Variants in NCOR2 observed in about 807,000 individuals in gnomAD.
NCOR2 encodes the protein nuclear receptor corepressor 2, also known as CTG repeat protein 26.
Under a neutral mutation model 262.9 loss-of-function variants are expected in NCOR2, and 81 were observed. The ratio of observed to expected loss-of-function variants is 0.31; its 90% CI spans 0.26 to 0.37. The LOEUF is 0.37. NCOR2 is among the 10% of genes least tolerant of loss of function. The pLI, the probability that NCOR2 is intolerant of heterozygous loss-of-function variation, is 1.00. For synonymous variants in NCOR2, 1,659 were observed against 1,559.3 expected, an observed-to-expected ratio of 1.06 and a Z score of -1.51; for missense variants, 3,385 against 3,621.4, an observed-to-expected ratio of 0.93 and a Z score of 1.68.
Position 124,549,593 on chromosome 12 carries a change from A to G in NCOR2, c.-164-13982T>C, listed in dbSNP as rs545658187. Among the ~76,000 whole-genome samples the G allele has an allele frequency of 6.6e-6, 1 of 152,134 alleles. No individual in the cohort carries two copies. The highest frequency in any genetic ancestry group is 2.1e-4 in the South Asian group (1 of 4,812). ...CCCAGGACAGAAGCGGTCACACATC[A>G]TGGGCTCATCATCACAGCCACAGTG... On this transcript the variant is annotated intron_variant, in intron 1 of 32. Coordinates refer to the NCOR2 transcript ENST00000458234. This position sits in a 1 kb window ranked among gnomAD's most constrained non-coding sequence, Gnocchi z 4.4.
chr12:124,422,434 A>C, intron 12 of NCOR2, 67 bp downstream of exon 14: 1 of 1,589,584 alleles, frequency 6.3e-7, no homozygotes, highest in East Asian at 2.2e-5. Flanking sequence ...GAGGGCCTCC[A>C]CCCTGAGTCC....
chr12:124,550,970 A>G (rs1194247472), intron 1 of NCOR2, among the ~76,000 whole-genome samples: 3 of 152,238 alleles, frequency 2.0e-5, no homozygotes, highest in Non-Finnish European at 2.9e-5. Flanking sequence ...TCACATCCCC[A>G]TGACAAAATA....
chr12:124,462,050 C>T (rs1350390629), intron 5 of NCOR2, among the ~76,000 whole-genome samples: 2 of 152,180 alleles, frequency 1.3e-5, no homozygotes, highest in African/African-American at 2.4e-5. Flanking sequence ...ACCACATGCT[C>T]GTCCCACACA....
Position 124,517,566 on chromosome 12 carries a change from C to T in NCOR2, c.-118+17999G>A, listed in dbSNP as rs897377464. The stretch of plus-strand genomic sequence containing the variant: ...GCAGCGCTGCCTGCACCTGGCTCTC[C>T]CCTGCCTGAGCCCACCGCGGAGCCC... On this transcript the variant is annotated intron_variant, in intron 1 of 46. Coordinates refer to the NCOR2 transcript ENST00000404621. The surrounding 1 kb of genome is among the most constrained non-coding windows in gnomAD (Gnocchi z 7.6). 1.3e-5 allele frequency among the ~76,000 whole-genome samples: 2 copies of T among 152,206 alleles called. No homozygotes were observed. Among genetic ancestry groups the T allele is most frequent in the Non-Finnish European group, 2.9e-5 (2 of 68,024 alleles).
In NCOR2 at chr12:124,483,463, G is replaced by T; in HGVS notation, c.411+133C>A. 2 of 985,696 alleles carry T rather than the reference G, an allele frequency of 2.0e-6. No individual in the cohort carries two copies. Among genetic ancestry groups the T allele is most frequent in the Non-Finnish European group, 1.4e-6 (1 of 698,898 alleles). The allele number at this position is 985,696 out of a possible 1,614,324, so 61.1% of individuals were successfully genotyped here. On this transcript the variant is annotated intron_variant, in intron 3 of 46. Coordinates refer to ENST00000405201, the Ensembl canonical transcript of NCOR2. This position sits in a 1 kb window ranked among gnomAD's most constrained non-coding sequence, Gnocchi z 6.3. ...CCTGCCACCCAGCTCTGTGCACCCG[G>T]TGCTTGGCCCACCTCCAAGCCTTTG...
At chr12:124,406,473 A>G (rs139592260) in intron 13 of NCOR2, among the ~76,000 whole-genome samples, 1 of 152,302 alleles carries the variant, frequency 6.6e-6, no homozygotes, top group African/African-American at 2.4e-5. Flanking sequence ...TTGTCTCACA[A>G]GGCACATAAA....
At chr12:124,341,932 C>T (rs1316116943) in exon 34 of NCOR2, 3 of 1,613,172 alleles carry the variant, frequency 1.9e-6, no homozygotes, top group African/African-American at 1.3e-5. Context: ...GGTGCATCTG[C>T]TGCGAGGTGA....
Position 124,495,090 on chromosome 12 carries a change from G to C in NCOR2, c.105+57C>G. ...AGAAAGGAAGGGGTGAAGACTCAGTGGAATGGAAGAAGGGTCTCAAAGGTA... is the reference window on the plus strand; with the variant it reads ...AGAAAGGAAGGGGTGAAGACTCAGTCGAATGGAAGAAGGGTCTCAAAGGTA... On this transcript the variant is annotated intron_variant, in intron 1 of 46. Transcript: ENST00000405201. This position sits in a 1 kb window ranked among gnomAD's most constrained non-coding sequence, Gnocchi z 4.4. 1.3e-6 allele frequency: 2 copies of C among 1,588,022 alleles called. No homozygotes were observed. The highest frequency in any genetic ancestry group is 1.7e-6 in the Non-Finnish European group (2 of 1,165,130).
intron 17 of NCOR2, chr12:124,383,297 C>G (rs1002721229): frequency 2.6e-4 from 51 of 198,418 alleles, no homozygotes; most frequent in Non-Finnish European, 3.5e-4. Context: ...TACGTTCAAA[C>G]TCAGCTCTCC....
At position 124,503,161 on chromosome 12, in the gene NCOR2, C is replaced by T. The variant is rs1354223683; in HGVS notation, c.-117-7793G>A. 6.6e-6 allele frequency among the ~76,000 whole-genome samples: 1 copy of T among 152,248 alleles called. No individual in the cohort carries two copies. Among genetic ancestry groups the T allele is most frequent in the Non-Finnish European group, 1.5e-5 (1 of 68,050 alleles). On this transcript the variant is annotated intron_variant, in intron 1 of 46. Transcript: ENST00000404621. This position sits in a 1 kb window ranked among gnomAD's most constrained non-coding sequence, Gnocchi z 4.3. ...CAAACTCCGGTTGCTGACCCATTCT[C>T]ATCAATTAGAGAATTATTTCAGCAT...
At chr12:124,360,441 G>A (rs568654795) in intron 22 of NCOR2, among the ~76,000 whole-genome samples, 3 of 152,330 alleles carry the variant, frequency 2.0e-5, no homozygotes, top group African/African-American at 4.8e-5. Context: ...GCCAAGAGCT[G>A]CGCTGTGACC....
chr12:124,442,783 CAG>C (rs1420513387), intron 7 of NCOR2, among the ~76,000 whole-genome samples: 1 of 152,158 alleles, frequency 6.6e-6, no homozygotes, highest in Non-Finnish European at 1.5e-5. Context: ...CATTTGGAAA[CAG>C]AGTCTTTAGA....
intron 38 of NCOR2, chr12:124,336,507 G>T: frequency 1.9e-6 from 2 of 1,063,720 alleles, no homozygotes; most frequent in Non-Finnish European, 2.5e-6. Context: ...CGTGCAAACC[G>T]GCGAGGACGG....
chr12:124,359,099 C>T (rs1024123085), intron 22 of NCOR2, among the ~76,000 whole-genome samples: 13 of 152,212 alleles, frequency 8.5e-5, no homozygotes, highest in African/African-American at 3.1e-4. Flanking sequence ...CAGCGGGGCC[C>T]CGGGGCTCAG....
In NCOR2 at chr12:124,378,702, C is replaced by T. The variant is rs1423563965; in HGVS notation, c.2020-318G>A. Among the ~76,000 whole-genome samples, 2 of 152,242 alleles carry T rather than the reference C, an allele frequency of 1.3e-5. No individual in the cohort carries two copies. Among genetic ancestry groups the T allele is most frequent in the Non-Finnish European group, 2.9e-5 (2 of 68,046 alleles). On this transcript the variant is annotated intron_variant, in intron 17 of 46. Coordinates refer to ENST00000405201, the Ensembl canonical transcript of NCOR2. This position sits in a 1 kb window ranked among gnomAD's most constrained non-coding sequence, Gnocchi z 4.2. Reference sequence around the variant, plus strand: ...GTCTCCTAGTCAGAGCGAGTGACCACGCCTCCTGGGGACACCCTGTCAGCT... The same window carrying T: ...GTCTCCTAGTCAGAGCGAGTGACCATGCCTCCTGGGGACACCCTGTCAGCT...
rs1178919459 is a variant in NCOR2, at chr12:124,567,299, C to G, written c.-165+9G>C. 1 of 151,932 alleles carries G rather than the reference C, an allele frequency of 6.6e-6. No homozygotes were observed. Among genetic ancestry groups the G allele is most frequent in the South Asian group, 2.1e-4 (1 of 4,836 alleles). 9.4% of individuals were successfully genotyped at this position (151,932 alleles called of 1,614,324 possible). A position where few individuals can be genotyped will look rare whatever the true frequency, so the allele number is the denominator to read the frequency against. Reference sequence around the variant, plus strand: ...CCGCCCTTCGCGGGGACCCTCGGCCCCAACTCACCTCGCGGAGGTGGCAGC... The same window carrying G: ...CCGCCCTTCGCGGGGACCCTCGGCCGCAACTCACCTCGCGGAGGTGGCAGC... On this transcript the variant is annotated intron_variant, in intron 1 of 32. Coordinates refer to the NCOR2 transcript ENST00000458234.
In NCOR2 at chr12:124,566,007, T is replaced by G. The variant is rs1426416407; in HGVS notation, c.-165+1301A>C. Among the ~76,000 whole-genome samples, 1 of 151,980 alleles carries G rather than the reference T, an allele frequency of 6.6e-6. No individual in the cohort carries two copies. Among genetic ancestry groups the G allele is most frequent in the Non-Finnish European group, 1.5e-5 (1 of 68,004 alleles). On this transcript the variant is annotated intron_variant, in intron 1 of 32. Coordinates refer to the NCOR2 transcript ENST00000458234. The surrounding 1 kb of genome is among the most constrained non-coding windows in gnomAD (Gnocchi z 4.3). The stretch of plus-strand genomic sequence containing the variant: ...CCCGGAGAGCCCCTTATATCAAAGC[T>G]GCCGCAAGGACCCAGATCTGGCTGA...
intron 16 of NCOR2, among the ~76,000 whole-genome samples, chr12:124,388,513 G>A (rs536107201): frequency 2.9e-4 from 44 of 152,258 alleles, no homozygotes; most frequent in Admixed American, 5.2e-4. Context: ...CAGCCCAGCA[G>A]GGAGAGAGAG....
Position 124,389,762 on chromosome 12 carries a change from T to C in NCOR2, c.1877-3875A>G, listed in dbSNP as rs1381664047. Among the ~76,000 whole-genome samples the C allele has an allele frequency of 6.6e-6, 1 of 152,096 alleles. No homozygotes were observed. The highest frequency in any genetic ancestry group is 1.5e-5 in the Non-Finnish European group (1 of 68,004). ...AACCATTTAGGGGAGGGGGAAGGGT[T>C]TGGGGATTTGGGGTCCCCAAAGAGC... On this transcript the variant is annotated intron_variant, in intron 16 of 46. Coordinates refer to ENST00000405201, the Ensembl canonical transcript of NCOR2. This position sits in a 1 kb window ranked among gnomAD's most constrained non-coding sequence, Gnocchi z 4.4.
Sources: allele counts gnomAD v4.1 joint callset (sites outside exome capture counted in the v4.1 genomes callset), GRCh38; gene constraint gnomAD v4.1.1; non-coding constraint Gnocchi (gnomAD v3.1); transcripts MANE v1.5; gene names NCBI Gene and HGNC (gene_info 2026-07-23, HGNC 2026-07-21).